The following AGBL4 variants were observed in gnomAD, a reference collection of about 807,000 sequenced individuals.
AGBL4 encodes AGBL carboxypeptidase 4.
AGBL4 carries 58 observed loss-of-function variants against 66.4 expected under a neutral mutation model. The observed-to-expected ratio is 0.87, with a 90% confidence interval of 0.71 to 1.09. The LOEUF (loss-of-function observed/expected upper bound fraction) is 1.09, where lower values mean the gene tolerates loss of function less well. AGBL4 is among the 50% of genes least tolerant of loss of function. The pLI is 0.00. For missense variants in AGBL4, 579 were observed against 631.0 expected (o/e 0.92, Z 0.88); for synonymous variants, 234 against 222.9 (o/e 1.05, Z -0.44).
At chr1:49,289,947 C>G (rs1644502782) in intron 3 of AGBL4, among the ~76,000 whole-genome samples, 1 of 152,060 alleles carries the variant, frequency 6.6e-6, no homozygotes, top group East Asian at 1.9e-4. Flanking sequence ...TAATAAAACC[C>G]TAGAAGGCAG....
intron 3 of AGBL4, among the ~76,000 whole-genome samples, chr1:49,455,683 G>A (rs983248186): frequency 6.6e-6 from 1 of 151,528 alleles, no homozygotes; most frequent in African/African-American, 2.4e-5. Flanking sequence ...ATTATGTTTA[G>A]AGGAAAATCC....
intron 6 of AGBL4, among the ~76,000 whole-genome samples, chr1:48,701,983 A>G (rs1462722703): frequency 6.6e-6 from 1 of 152,198 alleles, no homozygotes; most frequent in African/African-American, 2.4e-5. Flanking sequence ...CCATCTTTCC[A>G]TTAAAAATTT....
chr1:49,770,823 T>C (rs1457240312), intron 2 of AGBL4, among the ~76,000 whole-genome samples: 2 of 152,190 alleles, frequency 1.3e-5, no homozygotes, highest in East Asian at 3.8e-4. Flanking sequence ...GAATCTCTTA[T>C]GATCCTTTGT....
At chr1:49,672,581 C>T (rs1339704458) in intron 3 of AGBL4, among the ~76,000 whole-genome samples, 2 of 1,826 alleles carry the variant, frequency 1.1e-3, no homozygotes, top group Non-Finnish European at 1.9e-3. Context: ...CAATAATATA[C>T]AAAACAAAAA....
chr1:48,608,813 A>G (rs1248525464), intron 9 of AGBL4, among the ~76,000 whole-genome samples: 1 of 152,198 alleles, frequency 6.6e-6, no homozygotes, highest in Non-Finnish European at 1.5e-5. Context: ...TCAGCACTAA[A>G]AGAAAGTTTG....
intron 2 of AGBL4, among the ~76,000 whole-genome samples, chr1:49,797,118 T>G (rs1017447804): frequency 6.6e-6 from 1 of 152,194 alleles, no homozygotes; most frequent in Non-Finnish European, 1.5e-5. Flanking sequence ...CAGCAAATTT[T>G]TTATCAACTT....
chr1:49,394,704 A>C (rs1331912354), intron 3 of AGBL4, among the ~76,000 whole-genome samples: 1 of 152,222 alleles, frequency 6.6e-6, no homozygotes, highest in Non-Finnish European at 1.5e-5. Flanking sequence ...ATGTCAGCCT[A>C]ACCTTCCCTC....
chr1:49,739,145 T>C (rs993312618), intron 2 of AGBL4, among the ~76,000 whole-genome samples: 2 of 152,046 alleles, frequency 1.3e-5, no homozygotes, highest in Non-Finnish European at 2.9e-5. Context: ...GCAAAGAAGT[T>C]AAAAACCTTG....
intron 9 of AGBL4, among the ~76,000 whole-genome samples, chr1:48,601,303 G>C (rs772027890): frequency 2.6e-5 from 4 of 152,340 alleles, no homozygotes; most frequent in East Asian, 1.9e-4. Context: ...CACTGTCATA[G>C]AGGTAAATGA....
At chr1:49,511,736 G>T (rs1649283373) in intron 3 of AGBL4, among the ~76,000 whole-genome samples, 1 of 151,906 alleles carries the variant, frequency 6.6e-6, no homozygotes, top group African/African-American at 2.4e-5. Flanking sequence ...TACCAAGTCA[G>T]AAGACTTGGA....
intron 6 of AGBL4, among the ~76,000 whole-genome samples, chr1:48,773,619 G>GTT (rs1446513743): frequency 6.6e-6 from 1 of 152,192 alleles, no homozygotes; most frequent in Non-Finnish European, 1.5e-5. Flanking sequence ...TTCATGGACA[G>GTT]TTTTTCCATT....
chr1:49,091,693 G>A (rs1645006611), intron 4 of AGBL4, among the ~76,000 whole-genome samples: 1 of 152,042 alleles, frequency 6.6e-6, no homozygotes, highest in African/African-American at 2.4e-5. Flanking sequence ...ACACCCAAAG[G>A]AATATAAGTC....
At chr1:48,924,954 C>A (rs766959231) in intron 5 of AGBL4, among the ~76,000 whole-genome samples, 7 of 151,906 alleles carry the variant, frequency 4.6e-5, no homozygotes, top group Non-Finnish European at 8.8e-5. Flanking sequence ...TCCCATAAAC[C>A]CACTGAAAAT....
intron 3 of AGBL4, among the ~76,000 whole-genome samples, chr1:49,379,862 C>T (rs1428088142): frequency 2.6e-5 from 4 of 151,788 alleles, no homozygotes; most frequent in South Asian, 4.2e-4. Context: ...TGTCTCTGCC[C>T]GGCTTTGGTA....
chr1:48,894,016 C>T (rs1436598590), intron 5 of AGBL4, among the ~76,000 whole-genome samples: 1 of 152,152 alleles, frequency 6.6e-6, no homozygotes, highest in Non-Finnish European at 1.5e-5. Flanking sequence ...ATGTACTGGC[C>T]ACCAGAGTCG....
intron 3 of AGBL4, among the ~76,000 whole-genome samples, chr1:49,554,025 A>G (rs1412500019): frequency 6.6e-6 from 1 of 152,130 alleles, no homozygotes; most frequent in East Asian, 1.9e-4. Flanking sequence ...CCATCTACTC[A>G]GGAAACCTGA....
intron 7 of AGBL4, among the ~76,000 whole-genome samples, chr1:48,655,414 CA>C (rs1473947219): frequency 6.6e-6 from 1 of 152,026 alleles, no homozygotes; most frequent in African/African-American, 2.4e-5. Flanking sequence ...GGCCAAAGAC[CA>C]AAAGCACTGG....
intron 2 of AGBL4, among the ~76,000 whole-genome samples, chr1:49,829,782 C>T (rs553027713): frequency 3.9e-5 from 6 of 152,226 alleles, no homozygotes; most frequent in Middle Eastern, 3.4e-3. Context: ...CACACCCCCT[C>T]AACAGGCCCT....
intron 4 of AGBL4, among the ~76,000 whole-genome samples, chr1:49,114,058 C>T (rs1157459871): frequency 1.3e-5 from 2 of 152,196 alleles, no homozygotes; most frequent in Non-Finnish European, 2.9e-5. Flanking sequence ...TCAGCCTGTC[C>T]TTTGAAGCCT....
Sources: allele counts gnomAD v4.1 joint callset (sites outside exome capture counted in the v4.1 genomes callset), GRCh38; gene constraint gnomAD v4.1.1; transcripts MANE v1.5; gene names NCBI Gene and HGNC (gene_info 2026-07-23, HGNC 2026-07-21).